The following EYS variants were observed in gnomAD, a reference collection of about 807,000 sequenced individuals.
The protein encoded by EYS is protein eyes shut homolog.
Under a neutral mutation model 282.1 loss-of-function variants are expected in EYS, and 250 were observed. That is an observed-to-expected ratio of 0.89 (90% CI 0.80 to 0.98). The LOEUF is 0.98. Ranked by LOEUF, EYS falls within the 50% of genes least tolerant of loss-of-function variation. The probability of loss-of-function intolerance (pLI) is 0.00; values close to 1 mark genes in which losing one functional copy is unlikely to be tolerated. For synonymous variants in EYS, 1,355 were observed against 1,282.9 expected (o/e 1.06, Z -1.20); for missense variants, 4,016 against 3,709.0 (o/e 1.08, Z -2.15).
At chr6:64,572,032 A>C (rs1765742887) in intron 26 of EYS, among the ~76,000 whole-genome samples, 1 of 152,162 alleles carries the variant, frequency 6.6e-6, no homozygotes. Context: ...AAAATCCTCA[A>C]GAAAATACCG....
rs139208756 is a variant in EYS at position 64,398,782 on chromosome 6, T to C, written c.5928-9942A>G. On this transcript the variant is annotated intron_variant, in intron 28 of 42. Transcript: ENST00000503581. ...TGGTCATGCAGCCAACTTTGGGGCT[T>C]TGATAAAGAAAGCTTTGACAATTTT... Among the ~76,000 whole-genome samples, 345 of 151,964 alleles carry C rather than the reference T, an allele frequency of 2.3e-3. 2 individuals are homozygous for C. The highest frequency in any genetic ancestry group is 8.0e-3 in the African/African-American group (332 of 41,546).
intron 5 of EYS, among the ~76,000 whole-genome samples, chr6:65,487,459 T>C (rs75528147): frequency 2.0e-5 from 3 of 152,176 alleles, no homozygotes; most frequent in Admixed American, 6.5e-5. Flanking sequence ...TGGTTCTGTT[T>C]ATGCAATGGA....
intron 26 of EYS, among the ~76,000 whole-genome samples, chr6:64,498,280 A>C (rs1776947661): frequency 1.3e-5 from 2 of 152,114 alleles, no homozygotes; most frequent in South Asian, 4.1e-4. Flanking sequence ...AGAACAGGGA[A>C]GTACAGAAAA....
chr6:64,547,989 A>C (rs1301658134), intron 26 of EYS, among the ~76,000 whole-genome samples: 1 of 152,204 alleles, frequency 6.6e-6, no homozygotes, highest in Non-Finnish European at 1.5e-5. Flanking sequence ...GGACCAGCCA[A>C]GCCCATGCCC....
intron 33 of EYS, among the ~76,000 whole-genome samples, chr6:64,032,594 T>A (rs2149830927): frequency 6.6e-6 from 1 of 152,334 alleles, no homozygotes; most frequent in African/African-American, 2.4e-5. Flanking sequence ...TTGCTTCAGA[T>A]GTCAATCTGA....
intron 31 of EYS, among the ~76,000 whole-genome samples, chr6:64,147,879 C>T (rs189223149): frequency 1.4e-4 from 21 of 152,254 alleles, no homozygotes; most frequent in Admixed American, 9.2e-4. Context: ...CCTGCAGCCA[C>T]GGTGGACTTT....
intron 31 of EYS, among the ~76,000 whole-genome samples, chr6:64,123,068 GAC>G (rs1773644265): frequency 6.6e-6 from 1 of 152,086 alleles, no homozygotes; most frequent in Non-Finnish European, 1.5e-5. Context: ...TGTTTATAAA[GAC>G]ACAGAACCTG....
intron 26 of EYS, among the ~76,000 whole-genome samples, chr6:64,564,704 G>A (rs866566845): frequency 2.0e-5 from 3 of 150,870 alleles, no homozygotes; most frequent in African/African-American, 4.9e-5. Context: ...ACCAAACACC[G>A]CATGTTCTCA....
At chr6:65,626,435 T>C (rs1766694190) in intron 2 of EYS, among the ~76,000 whole-genome samples, 1 of 152,232 alleles carries the variant, frequency 6.6e-6, no homozygotes, top group Admixed American at 6.5e-5. Context: ...AAGTCTGGAA[T>C]GTCCAAAAGC....
intron 35 of EYS, among the ~76,000 whole-genome samples, chr6:63,980,304 A>C (rs1248670197): frequency 6.6e-6 from 1 of 151,696 alleles, no homozygotes; most frequent in African/African-American, 2.4e-5. Context: ...CTCTTTCTTA[A>C]GGTTCTCATA....
intron 35 of EYS, among the ~76,000 whole-genome samples, chr6:63,983,332 T>A (rs1036149134): frequency 6.6e-6 from 1 of 151,836 alleles, no homozygotes; most frequent in African/African-American, 2.4e-5. Context: ...ATGCCTTTTT[T>A]ATTTTTTTCA....
intron 12 of EYS, among the ~76,000 whole-genome samples, chr6:65,153,363 ATGTGTGTGTGTGTGTGTGTGTGTGTGTG>A (rs67661407): frequency 1.5e-5 from 2 of 135,758 alleles, no homozygotes; most frequent in Non-Finnish European, 3.2e-5. Flanking sequence ...GAGATCATAA[ATGTGTGTGTGTGTGTGTGTGTGTGTGTG>A]TGTGTGTGTG....
chr6:63,789,827 C>T (rs1365986838), intron 37 of EYS, among the ~76,000 whole-genome samples: 4 of 152,176 alleles, frequency 2.6e-5, no homozygotes, highest in Non-Finnish European at 4.4e-5. Flanking sequence ...GGACCCAGAA[C>T]ACTCAGGAGA....
intron 26 of EYS, among the ~76,000 whole-genome samples, chr6:64,534,349 T>C (rs751061340): frequency 6.6e-6 from 1 of 151,964 alleles, no homozygotes; most frequent in Non-Finnish European, 1.5e-5. Context: ...CTAAAATGAG[T>C]CTGTGTTATC....
At chr6:64,792,956 A>T (rs911423945) in intron 22 of EYS, among the ~76,000 whole-genome samples, 1 of 151,434 alleles carries the variant, frequency 6.6e-6, no homozygotes, top group Non-Finnish European at 1.5e-5. Flanking sequence ...AATATTTCCA[A>T]ATATAAAACA....
In EYS at chr6:65,120,021, G is replaced by A. The variant is rs368407609; in HGVS notation, c.2024-62294C>T. ...AAAATTAGCCGCCGGGCGGGGTGGC[G>A]GGCGCCTGTAGTCCCAGCTACTCAG... On this transcript the variant is annotated intron_variant, in intron 12 of 42. Transcript: ENST00000503581. 1.1e-3 allele frequency among the ~76,000 whole-genome samples: 160 copies of A among 150,484 alleles called. 1 individual carries two copies. The highest frequency in any genetic ancestry group is 3.5e-3 in the African/African-American group (142 of 41,068).
At chr6:65,231,546 A>G (rs1348278279) in intron 12 of EYS, among the ~76,000 whole-genome samples, 1 of 151,800 alleles carries the variant, frequency 6.6e-6, no homozygotes, top group African/African-American at 2.4e-5. Context: ...TCTGTATCAC[A>G]GATTTCAGTT....
At chr6:65,056,517 G>T (rs1773421579) in intron 13 of EYS, among the ~76,000 whole-genome samples, 2 of 151,986 alleles carry the variant, frequency 1.3e-5, no homozygotes, top group African/African-American at 4.8e-5. Context: ...TTAAGCCCAG[G>T]AGGCAGAGGC....
At chr6:64,227,050 A>G (rs533604203) in intron 31 of EYS, among the ~76,000 whole-genome samples, 3 of 152,240 alleles carry the variant, frequency 2.0e-5, no homozygotes, top group African/African-American at 4.8e-5. Flanking sequence ...AGTTTCCAAC[A>G]TATCTTTATA....
Sources: allele counts gnomAD v4.1 joint callset (sites outside exome capture counted in the v4.1 genomes callset), GRCh38; gene constraint gnomAD v4.1.1; transcripts MANE v1.5; gene names NCBI Gene and HGNC (gene_info 2026-07-23, HGNC 2026-07-21).